Variants in STPG2 observed in about 807,000 individuals in gnomAD.
STPG2 encodes sperm tail PG-rich repeat containing 2.
Under a neutral mutation model 54.2 loss-of-function variants are expected in STPG2, and 56 were observed. That is an observed-to-expected ratio of 1.03 (90% CI 0.83 to 1.29). The LOEUF is 1.29. Ranked by LOEUF, STPG2 falls within the 50% of genes most tolerant of loss-of-function variation. STPG2 has a pLI of 0.00. For missense variants in STPG2, 596 were observed against 544.9 expected (o/e 1.09, Z -0.93); for synonymous variants, 200 against 181.8 (o/e 1.10, Z -0.81).
chr4:98,030,432 T>A (rs979560719), intron 5 of STPG2, among the ~76,000 whole-genome samples: 1 of 152,178 alleles, frequency 6.6e-6, no homozygotes, highest in African/African-American at 2.4e-5. Flanking sequence ...AGGGAGAAAT[T>A]TCCACAATGT....
At chr4:97,650,607 T>C (rs1722039238) in intron 10 of STPG2, among the ~76,000 whole-genome samples, 1 of 152,110 alleles carries the variant, frequency 6.6e-6, no homozygotes. Context: ...GATAAAAGAT[T>C]GTGGAGACCA....
At chr4:98,132,316 A>T (rs1298213679) in intron 2 of STPG2, among the ~76,000 whole-genome samples, 1 of 137,310 alleles carries the variant, frequency 7.3e-6, no homozygotes, top group Non-Finnish European at 1.6e-5. Context: ...AAAATAACTA[A>T]AATGTAAACA....
At chr4:97,513,361 G>C (rs980146561) in intron 4 of STPG2, among the ~76,000 whole-genome samples, 12 of 151,952 alleles carry the variant, frequency 7.9e-5, no homozygotes, top group Admixed American at 1.3e-4. Context: ...AGGCATGATT[G>C]ATTGATTTCA....
intron 10 of STPG2, among the ~76,000 whole-genome samples, chr4:97,565,173 TTTCA>T (rs1477707411): frequency 6.6e-6 from 1 of 152,204 alleles, no homozygotes; most frequent in African/African-American, 2.4e-5. Flanking sequence ...TCTCGCTTCA[TTTCA>T]TTCATTTCAT....
intron 4 of STPG2, among the ~76,000 whole-genome samples, chr4:97,468,990 C>T (rs1424047676): frequency 1.3e-5 from 2 of 152,038 alleles, no homozygotes; most frequent in African/African-American, 4.8e-5. Context: ...AAAACACATA[C>T]AACCAAAGTT....
At chr4:97,966,923 C>T (rs368543579) in intron 7 of STPG2, among the ~76,000 whole-genome samples, 20 of 152,194 alleles carry the variant, frequency 1.3e-4, no homozygotes, top group African/African-American at 4.1e-4. Context: ...TTGTAAAGAC[C>T]ATCAATGCTA....
intron 9 of STPG2, among the ~76,000 whole-genome samples, chr4:97,790,913 G>A (rs1021123575): frequency 6.6e-6 from 1 of 152,050 alleles, no homozygotes; most frequent in African/African-American, 2.4e-5. Flanking sequence ...GAGGTTGAGG[G>A]GGACCATTCT....
At chr4:97,778,227 T>A (rs1157264597) in intron 9 of STPG2, among the ~76,000 whole-genome samples, 4 of 152,120 alleles carry the variant, frequency 2.6e-5, no homozygotes, top group Admixed American at 6.5e-5. Flanking sequence ...ATACTGTGCT[T>A]TTCCAATGGT....
At chr4:97,540,421 C>T (rs1156777069) in intron 4 of STPG2, among the ~76,000 whole-genome samples, 2 of 152,052 alleles carry the variant, frequency 1.3e-5, no homozygotes, top group African/African-American at 4.8e-5. Flanking sequence ...CAAGACTAAA[C>T]CAGGAAGAAG....
At chr4:97,990,170 G>C (rs906881769) in intron 5 of STPG2, among the ~76,000 whole-genome samples, 1 of 152,138 alleles carries the variant, frequency 6.6e-6, no homozygotes, top group Non-Finnish European at 1.5e-5. Flanking sequence ...ATGAAATCTT[G>C]AATCCTTCAA....
At chr4:97,513,624 C>T (rs1379323411) in intron 4 of STPG2, among the ~76,000 whole-genome samples, 1 of 152,088 alleles carries the variant, frequency 6.6e-6, no homozygotes, top group Admixed American at 6.6e-5. Context: ...TACATATGCA[C>T]ATATACATAT....
At chr4:97,550,905 C>T (rs763711679) in intron 4 of STPG2, among the ~76,000 whole-genome samples, 116 of 152,136 alleles carry the variant, frequency 7.6e-4, no homozygotes, top group Non-Finnish European at 1.4e-3. Context: ...AAGCTGTAGA[C>T]CTTCACAGTT....
intron 9 of STPG2, among the ~76,000 whole-genome samples, chr4:97,713,410 G>A (rs986297689): frequency 3.3e-5 from 5 of 152,152 alleles, no homozygotes; most frequent in African/African-American, 9.6e-5. Context: ...ATAATTTGTA[G>A]GTAAAGCCCA....
At chr4:97,839,797 T>C (rs1728742320) in intron 9 of STPG2, among the ~76,000 whole-genome samples, 1 of 151,726 alleles carries the variant, frequency 6.6e-6, no homozygotes, top group African/African-American at 2.4e-5. Context: ...TGTCCAAGTA[T>C]TATTTGCTGG....
intron 8 of STPG2, among the ~76,000 whole-genome samples, chr4:97,884,930 C>G (rs1452053667): frequency 6.6e-6 from 1 of 151,852 alleles, no homozygotes; most frequent in Non-Finnish European, 1.5e-5. Flanking sequence ...GTTACAGAAA[C>G]CTACACAAAG....
chr4:97,464,844 A>G (rs974217371), intron 4 of STPG2, among the ~76,000 whole-genome samples: 2 of 152,196 alleles, frequency 1.3e-5, no homozygotes, highest in African/African-American at 4.8e-5. Flanking sequence ...ATAAAAGATC[A>G]TATTTATGTC....
intron 10 of STPG2, among the ~76,000 whole-genome samples, chr4:97,560,113 G>C (rs1209921519): frequency 1.3e-5 from 2 of 152,092 alleles, no homozygotes; most frequent in Non-Finnish European, 2.9e-5. Context: ...ATGACCCTTA[G>C]GATAATTTTT....
At chr4:97,579,189 T>C (rs1312185382) in intron 10 of STPG2, among the ~76,000 whole-genome samples, 2 of 152,124 alleles carry the variant, frequency 1.3e-5, no homozygotes, top group Non-Finnish European at 1.5e-5. Context: ...TTAAATGATA[T>C]CTAAGTGTGT....
chr4:97,678,576 A>T, intron 10 of STPG2, among the ~76,000 whole-genome samples: 1 of 152,034 alleles, frequency 6.6e-6, no homozygotes, highest in Non-Finnish European at 1.5e-5. Flanking sequence ...CACTATTATC[A>T]TGCCCATTTT....
Sources: allele counts gnomAD v4.1 joint callset (sites outside exome capture counted in the v4.1 genomes callset), GRCh38; gene constraint gnomAD v4.1.1; transcripts MANE v1.5; gene names NCBI Gene and HGNC (gene_info 2026-07-23, HGNC 2026-07-21).